GABRB1: variants seen among roughly 807,000 people sequenced by gnomAD.
GABRB1 encodes gamma-aminobutyric acid receptor subunit beta-1.
Under a neutral mutation model 51.6 loss-of-function variants are expected in GABRB1, and 17 were observed. That is an observed-to-expected ratio of 0.33 (90% CI 0.23 to 0.49). The LOEUF (loss-of-function observed/expected upper bound fraction) is 0.49. GABRB1 is among the 20% of genes least tolerant of loss of function. The pLI is 0.99. For missense variants in GABRB1, 410 were observed against 600.6 expected, an observed-to-expected ratio of 0.68 and a Z score of 3.32; for synonymous variants, 247 against 218.9, an observed-to-expected ratio of 1.13 and a Z score of -1.14.
intron 7 of GABRB1, among the ~76,000 whole-genome samples, chr4:47,404,584 T>C (rs955966254): frequency 6.6e-6 from 1 of 151,978 alleles, no homozygotes; most frequent in Non-Finnish European, 1.5e-5. Context: ...ACTGTTAAGC[T>C]GGACTAGATG....
intron 4 of GABRB1, among the ~76,000 whole-genome samples, chr4:47,295,585 C>T (rs1418805035): frequency 6.6e-6 from 1 of 152,126 alleles, no homozygotes; most frequent in Non-Finnish European, 1.5e-5. Flanking sequence ...ACGAACAAAG[C>T]CTCCAAGAAA....
At chr4:47,224,532 C>T (rs1255771552) in intron 4 of GABRB1, among the ~76,000 whole-genome samples, 1 of 152,076 alleles carries the variant, frequency 6.6e-6, no homozygotes. Context: ...ACTGGCCTAA[C>T]ATGATTCTCC....
intron 5 of GABRB1, among the ~76,000 whole-genome samples, chr4:47,356,789 T>C (rs1726595363): frequency 6.6e-6 from 1 of 152,218 alleles, no homozygotes; most frequent in Admixed American, 6.5e-5. Flanking sequence ...TTATTTGTTG[T>C]TGCTCTGTGT....
chr4:47,067,257 G>A (rs559590605), intron 3 of GABRB1, among the ~76,000 whole-genome samples: 13 of 152,130 alleles, frequency 8.5e-5, no homozygotes, highest in East Asian at 3.8e-4. Flanking sequence ...TAGATTTACC[G>A]TAACTCTTAA....
At chr4:47,304,461 C>T (rs575050139) in intron 4 of GABRB1, among the ~76,000 whole-genome samples, 54 of 151,964 alleles carry the variant, frequency 3.6e-4, no homozygotes, top group Non-Finnish European at 6.8e-4. Context: ...AAATCCTTTG[C>T]CCATCTTTTA....
chr4:47,309,271 T>G (rs1205111880), intron 4 of GABRB1, among the ~76,000 whole-genome samples: 1 of 151,940 alleles, frequency 6.6e-6, no homozygotes, highest in African/African-American at 2.4e-5. Flanking sequence ...AGTTTTTTTT[T>G]GCCCACCCTC....
intron 3 of GABRB1, among the ~76,000 whole-genome samples, chr4:47,150,448 T>A (rs1717389624): frequency 6.6e-6 from 1 of 151,700 alleles, no homozygotes. Context: ...CTAAAACAAC[T>A]GCAATGAGCA....
chr4:47,397,386 T>C (rs1032805457), intron 5 of GABRB1, among the ~76,000 whole-genome samples: 8 of 152,206 alleles, frequency 5.3e-5, no homozygotes, highest in Non-Finnish European at 8.8e-5. Context: ...TTTTCCCCAA[T>C]AATTTGAGGC....
chr4:47,343,408 C>T (rs1725976077), intron 5 of GABRB1, among the ~76,000 whole-genome samples: 1 of 152,116 alleles, frequency 6.6e-6, no homozygotes, highest in Non-Finnish European at 1.5e-5. Context: ...CAGCTTGACC[C>T]TTTTTATGGA....
intron 4 of GABRB1, among the ~76,000 whole-genome samples, chr4:47,203,545 G>A (rs911237755): frequency 6.6e-6 from 1 of 152,116 alleles, no homozygotes. Context: ...GGCAAGTGAA[G>A]AGAGGGAGAC....
Position 47,425,850 on chromosome 4 carries a change from C to T in GABRB1, c.1257C>T (p.Asp419=), listed in dbSNP as rs555099452. 9.9e-6 allele frequency: 16 copies of T among 1,614,006 alleles called. No homozygotes were observed. Among genetic ancestry groups the T allele is most frequent in the Non-Finnish European group, 1.4e-5 (16 of 1,180,022 alleles). Residue 419 remains aspartate, a synonymous_variant, in exon 9 of 9, where the codon GAC becomes GAT. Coordinates refer to ENST00000295454, the MANE Select transcript of GABRB1 (RefSeq NM_000812.4). ...SSREAYGRAL[D]RHGVPSKGRI... is the part of the protein sequence containing the mutation. ...GCGAGGCCTACGGGCGCGCCCTGGA[C>T]CGGCACGGGGTACCCAGCAAGGGGC...
chr4:47,189,634 A>G (rs897453264), intron 4 of GABRB1, among the ~76,000 whole-genome samples: 1 of 151,844 alleles, frequency 6.6e-6, no homozygotes, highest in Non-Finnish European at 1.5e-5. Context: ...GCCATGCTGT[A>G]TTTTTAATAG....
chr4:47,149,265 G>C (rs1487421093), intron 3 of GABRB1, among the ~76,000 whole-genome samples: 1 of 151,960 alleles, frequency 6.6e-6, no homozygotes, highest in Non-Finnish European at 1.5e-5. Context: ...TACTCAAAAA[G>C]AATGAAAATG....
At chr4:47,249,302 T>C (rs1051063081) in intron 4 of GABRB1, among the ~76,000 whole-genome samples, 1 of 152,172 alleles carries the variant, frequency 6.6e-6, no homozygotes, top group African/African-American at 2.4e-5. Flanking sequence ...TTAATTTCCA[T>C]GTATTTGCAT....
At chr4:47,110,366 A>G (rs945495076) in intron 3 of GABRB1, among the ~76,000 whole-genome samples, 27 of 152,096 alleles carry the variant, frequency 1.8e-4, no homozygotes, top group African/African-American at 6.0e-4. Flanking sequence ...TGCTAACTTC[A>G]TTTTTCTGAA....
intron 5 of GABRB1, among the ~76,000 whole-genome samples, chr4:47,350,393 A>G (rs891865534): frequency 1.5e-4 from 22 of 151,508 alleles, no homozygotes; most frequent in African/African-American, 5.1e-4. Flanking sequence ...AGCAAGCACT[A>G]CTAACAAACT....
chr4:47,399,372 T>G (rs1728303128), intron 5 of GABRB1, among the ~76,000 whole-genome samples: 1 of 152,236 alleles, frequency 6.6e-6, no homozygotes, highest in Non-Finnish European at 1.5e-5. Flanking sequence ...TAGCCTATGT[T>G]TTGGAACTGT....
chr4:46,994,809 T>C (rs1167554293), intron 1 of GABRB1, among the ~76,000 whole-genome samples: 1 of 152,182 alleles, frequency 6.6e-6, no homozygotes, highest in Non-Finnish European at 1.5e-5. Context: ...AAACACCAAT[T>C]AGGTTCTAGT....
At chr4:47,098,510 A>T (rs1285396494) in intron 3 of GABRB1, among the ~76,000 whole-genome samples, 1 of 152,130 alleles carries the variant, frequency 6.6e-6, no homozygotes, top group African/African-American at 2.4e-5. Context: ...TACTTTTGGA[A>T]ATCAGTGTCC....
Sources: gnomAD v4.1 joint callset for allele counts (sites outside exome capture counted in the v4.1 genomes callset) on GRCh38, gnomAD v4.1.1 for gene constraint, MANE v1.5 for transcripts, NCBI Gene and HGNC (gene_info 2026-07-23, HGNC 2026-07-21) for gene names.